Variants in GNAQ observed in about 807,000 individuals in gnomAD.
GNAQ encodes G protein subunit alpha q, also known as guanine nucleotide-binding protein G(q) subunit alpha.
A neutral mutation model predicts 43.9 loss-of-function variants in GNAQ; 8 were observed. The ratio of observed to expected loss-of-function variants is 0.18; its 90% CI spans 0.11 to 0.33. The LOEUF (loss-of-function observed/expected upper bound fraction) is 0.33. Ranked by LOEUF, GNAQ falls within the 10% of genes least tolerant of loss-of-function variation. GNAQ has a pLI of 1.00. For missense variants in GNAQ, 158 were observed against 450.8 expected, an observed-to-expected ratio of 0.35 and a Z score of 5.88; for synonymous variants, 155 against 170.7, an observed-to-expected ratio of 0.91 and a Z score of 0.71.
At chr9:77,907,651 CAAG>C (rs1438619060) in intron 2 of GNAQ, among the ~76,000 whole-genome samples, 1 of 152,060 alleles carries the variant, frequency 6.6e-6, no homozygotes, top group Non-Finnish European at 1.5e-5. Flanking sequence ...AGTGTACAGT[CAAG>C]AAGGAGAAAT....
intron 2 of GNAQ, among the ~76,000 whole-genome samples, chr9:77,888,682 C>T (rs925751205): frequency 6.6e-6 from 1 of 152,116 alleles, no homozygotes; most frequent in Non-Finnish European, 1.5e-5. Context: ...GTTTATTCTT[C>T]ACGTGGAACG....
intron 2 of GNAQ, among the ~76,000 whole-genome samples, chr9:77,865,374 C>A (rs866627192): frequency 2.0e-5 from 3 of 152,186 alleles, no homozygotes; most frequent in African/African-American, 7.2e-5. Context: ...TAAACTCATG[C>A]AGTAAGAAAG....
intron 1 of GNAQ, among the ~76,000 whole-genome samples, chr9:77,970,557 G>C (rs567605856): frequency 1.9e-3 from 296 of 152,258 alleles, no homozygotes; most frequent in Middle Eastern, 3.4e-3. Flanking sequence ...ACTAAGATTT[G>C]AAGGGAGAAA....
intron 1 of GNAQ, among the ~76,000 whole-genome samples, chr9:77,973,361 G>A (rs1445251942): frequency 1.3e-5 from 2 of 152,188 alleles, no homozygotes; most frequent in African/African-American, 2.4e-5. Flanking sequence ...CGCAGCTGGT[G>A]TATGCCCTCA....
intron 2 of GNAQ, among the ~76,000 whole-genome samples, chr9:77,897,076 GCCCCT>G (rs1828516330): frequency 6.6e-6 from 1 of 152,178 alleles, no homozygotes; most frequent in African/African-American, 2.4e-5. Flanking sequence ...CTGCCAACCC[GCCCCT>G]TTGCCCCATT....
intron 1 of GNAQ, among the ~76,000 whole-genome samples, chr9:78,010,332 G>C (rs1016815690): frequency 2.0e-5 from 3 of 152,096 alleles, no homozygotes; most frequent in African/African-American, 7.2e-5. Context: ...GTGTTCCCCA[G>C]GAATAGAATC....
chr9:77,752,399 A>G (rs1296871066), intron 5 of GNAQ, among the ~76,000 whole-genome samples: 1 of 152,238 alleles, frequency 6.6e-6, no homozygotes, highest in Non-Finnish European at 1.5e-5. Flanking sequence ...ACGTGCTGCA[A>G]TAACTTGCAC....
At chr9:77,943,308 A>C (rs1829340150) in intron 1 of GNAQ, among the ~76,000 whole-genome samples, 3 of 152,236 alleles carry the variant, frequency 2.0e-5, no homozygotes, top group Non-Finnish European at 4.4e-5. Flanking sequence ...AACTTAAGAG[A>C]TATTAACTAC....
intron 1 of GNAQ, among the ~76,000 whole-genome samples, chr9:77,984,901 G>C (rs1823414494): frequency 6.6e-6 from 1 of 152,172 alleles, no homozygotes; most frequent in Admixed American, 6.6e-5. Context: ...GGTGAGAGGA[G>C]AAAGCAGAGA....
chr9:77,978,829 C>T (rs1469951956), intron 1 of GNAQ, among the ~76,000 whole-genome samples: 1 of 152,016 alleles, frequency 6.6e-6, no homozygotes. Flanking sequence ...GGAGGCGAGG[C>T]GAGTGGATCA....
At chr9:77,940,952 AG>A (rs1829307490) in intron 1 of GNAQ, among the ~76,000 whole-genome samples, 1 of 151,872 alleles carries the variant, frequency 6.6e-6, no homozygotes, top group Non-Finnish European at 1.5e-5. Context: ...CGACAGAGCG[AG>A]ACTCCGTCTC....
At chr9:77,787,560 C>T (rs146445713) in intron 5 of GNAQ, among the ~76,000 whole-genome samples, 3 of 152,252 alleles carry the variant, frequency 2.0e-5, no homozygotes, top group African/African-American at 7.2e-5. Context: ...TACTTCCTAC[C>T]ATGCACAAAA....
intron 5 of GNAQ, among the ~76,000 whole-genome samples, chr9:77,779,473 G>T (rs11145562): frequency 6.6e-6 from 1 of 151,382 alleles, no homozygotes; most frequent in Non-Finnish European, 1.5e-5. Context: ...ATCTAAAATC[G>T]ATATCTAAAT....
intron 3 of GNAQ, among the ~76,000 whole-genome samples, chr9:77,808,323 T>A (rs4745670): frequency 0.54 from 81,526 of 150,512 alleles, 24,820 homozygotes; most frequent in Non-Finnish European, 0.68. Flanking sequence ...CATCTTAGAA[T>A]CATCAGCATT....
chr9:77,765,936 A>G (rs1183303928), intron 5 of GNAQ, among the ~76,000 whole-genome samples: 2 of 152,254 alleles, frequency 1.3e-5, no homozygotes, highest in Non-Finnish European at 2.9e-5. Flanking sequence ...TGCATGCTAC[A>G]TGAATAAATC....
chr9:77,883,221 G>A (rs1176917469), intron 2 of GNAQ, among the ~76,000 whole-genome samples: 2 of 152,114 alleles, frequency 1.3e-5, no homozygotes, highest in Non-Finnish European at 2.9e-5. Flanking sequence ...TCTTTACCCT[G>A]ACTCTCTCCA....
chr9:77,827,177 A>C (rs1055971820), intron 2 of GNAQ, among the ~76,000 whole-genome samples: 3 of 151,932 alleles, frequency 2.0e-5, no homozygotes, highest in Non-Finnish European at 4.4e-5. Context: ...ATTAATCTCA[A>C]TGTTGAGTTT....
At chr9:77,774,521 G>A (rs747435897) in intron 5 of GNAQ, among the ~76,000 whole-genome samples, 1 of 152,234 alleles carries the variant, frequency 6.6e-6, no homozygotes, top group South Asian at 2.1e-4. Flanking sequence ...GAGTGTAGTG[G>A]CACAATCATA....
rs1367487516 is a variant in GNAQ at position 77,769,857 on chromosome 9, A to G, written c.735+24606T>C. Among the ~76,000 whole-genome samples the G allele has an allele frequency of 2.0e-5, 3 of 151,894 alleles. No homozygotes were observed. The East Asian group carries it at 5.8e-4, about 30-fold the overall frequency. On this transcript the variant is annotated intron_variant, in intron 5 of 6. Transcript: ENST00000286548. Reference sequence around the variant, plus strand: ...TTCTTTTTGTATTTTTAGTAGAGACAGGGTTTCACTGTGTTAGCCAGGATG... The same window carrying G: ...TTCTTTTTGTATTTTTAGTAGAGACGGGGTTTCACTGTGTTAGCCAGGATG...
Sources: allele counts gnomAD v4.1 joint callset (sites outside exome capture counted in the v4.1 genomes callset), GRCh38; gene constraint gnomAD v4.1.1; transcripts MANE v1.5; gene names NCBI Gene and HGNC (gene_info 2026-07-23, HGNC 2026-07-21).